The following CACNA1S variants were observed in gnomAD, a reference collection of about 807,000 sequenced individuals.
CACNA1S encodes the protein voltage-dependent L-type calcium channel subunit alpha-1S.
Under a neutral mutation model 207.4 loss-of-function variants are expected in CACNA1S, and 126 were observed. That is an observed-to-expected ratio of 0.61 (90% confidence interval 0.53 to 0.70). The LOEUF is 0.70. Ranked by LOEUF, CACNA1S falls within the 30% of genes least tolerant of loss-of-function variation. CACNA1S has a pLI of 0.00. For missense variants in CACNA1S, 2,349 were observed against 2,422.8 expected, an observed-to-expected ratio of 0.97 and a Z score of 0.64; for synonymous variants, 960 against 932.7, an observed-to-expected ratio of 1.03 and a Z score of -0.53.
At chr1:201,049,335 C>G (rs1320405906) in intron 34 of CACNA1S, among the ~76,000 whole-genome samples, 1 of 152,248 alleles carries the variant, frequency 6.6e-6, no homozygotes, top group African/African-American at 2.4e-5. Flanking sequence ...TTGGCGCATT[C>G]CCTCAGATAT....
In CACNA1S at chr1:201,074,411, C is replaced by G; in HGVS notation, c.2063+95G>C. 1.3e-5 allele frequency: 10 copies of G among 782,544 alleles called. No individual in the cohort carries two copies. The South Asian group carries it at 1.4e-4, about 11-fold the overall frequency. 48.5% of individuals were successfully genotyped at this position (782,544 alleles called of 1,614,324 possible). A position where few individuals can be genotyped will look rare whatever the true frequency, so the allele number is the denominator to read the frequency against. ...GGTGGGTGTCACCATGTCAGGGACC[C>G]TGATCATTGGGTTACAGGGAGGCCC... On this transcript the variant is annotated intron_variant, in intron 14 of 43. Transcript: ENST00000362061.
intron 2 of CACNA1S, 76 bp from the exon 3 acceptor site, chr1:201,094,097 C>A (rs911769043): frequency 6.3e-7 from 1 of 1,589,712 alleles, no homozygotes; most frequent in East Asian, 2.2e-5. Flanking sequence ...TGCAGCCGTG[C>A]TGGGTTCCCT....
chr1:201,110,039 C>T, intron 2 of CACNA1S, 125 bp downstream of exon 2: 2 of 868,994 alleles, frequency 2.3e-6, no homozygotes, highest in South Asian at 2.7e-5. Context: ...GCTGGGGATG[C>T]AGGGCCTGCA....
intron 32 of CACNA1S, 24 bp from the exon 33 acceptor site, chr1:201,051,167 T>A: frequency 1.2e-6 from 2 of 1,613,964 alleles, no homozygotes; most frequent in East Asian, 4.5e-5. Flanking sequence ...GAGGCTCCTG[T>A]CACCTATCTG....
intron 22 of CACNA1S, 102 bp from the exon 23 acceptor site, chr1:201,062,616 C>A (rs936710619): frequency 5.8e-6 from 6 of 1,031,120 alleles, no homozygotes; most frequent in Non-Finnish European, 8.9e-6. Context: ...GGAGGGAAGG[C>A]AGGCATCTGA....
At position 201,069,522 on chromosome 1, in the gene CACNA1S, C is replaced by G; in HGVS notation, c.2440G>C (p.Ala814Pro). The G allele has an allele frequency of 3.1e-6, 5 of 1,592,986 alleles. No individual in the cohort carries two copies. The highest frequency in any genetic ancestry group is 3.4e-6 in the Non-Finnish European group (4 of 1,171,236). ...ATGGGGTCTTCCGCAGCCAGTGCAG[C>G]GCTGCTGAGCAGGATGAAGAGCAGG... ...FILLFILLSSAALAAEDPIRA... is the reference protein window; with the variant it reads ...FILLFILLSSPALAAEDPIRA... The change falls in exon 18 of 44, where the codon GCT becomes CCT. Residue 814 changes from alanine (A) to proline (P), a missense_variant. Coordinates refer to ENST00000362061, the MANE Select transcript of CACNA1S (RefSeq NM_000069.3).
chr1:201,066,018 C>T lies in CACNA1S; in HGVS notation c.2746-73G>A. 8.6e-7 allele frequency: 1 copy of T among 1,162,582 alleles called. No individual in the cohort carries two copies. The allele number at this position is 1,162,582 out of a possible 1,614,324, so 72.0% of individuals were successfully genotyped here. ...CCTGCTAGCCCAGTTGAGGAAACCC[C>T]AGGAGTGCAAGACTTGCTGCCTCCT... On this transcript the variant is annotated intron_variant, in intron 21 of 43. Coordinates refer to ENST00000362061, the MANE Select transcript of CACNA1S (RefSeq NM_000069.3). The surrounding 1 kb of genome is among the most constrained non-coding windows in gnomAD (Gnocchi z 4.3).
At chr1:201,044,060 G>A (rs969101416) in intron 39 of CACNA1S, among the ~76,000 whole-genome samples, 16 of 152,166 alleles carry the variant, frequency 1.1e-4, no homozygotes, top group East Asian at 1.9e-4. Flanking sequence ...GAGATGGGTC[G>A]TTGCCTAGGG....
rs533604748 is a variant in CACNA1S at position 201,062,304 on chromosome 1, G to C, written c.2906+158C>G. On this transcript the variant is annotated intron_variant, in intron 23 of 43. Transcript: ENST00000362061. ...AGCTTCCCCAGTTTCCAGCTTGAAG[G>C]GCCGTCATCCACCAACACACAGTCC... is the stretch of plus-strand genomic sequence containing the variant. Among the ~76,000 whole-genome samples, 296 of 152,228 alleles carry C rather than the reference G, an allele frequency of 1.9e-3. 1 individual carries two copies. The highest frequency in any genetic ancestry group is 6.9e-3 in the African/African-American group (286 of 41,544).
chr1:201,106,173 C>A (rs1309604716), intron 2 of CACNA1S, among the ~76,000 whole-genome samples: 2 of 151,902 alleles, frequency 1.3e-5, no homozygotes, highest in Non-Finnish European at 2.9e-5. Context: ...TCCATCCCCA[C>A]CTCCAGTCCT....
chr1:201,082,480 G>A (rs1240690197), intron 10 of CACNA1S, among the ~76,000 whole-genome samples: 2 of 152,148 alleles, frequency 1.3e-5, no homozygotes, highest in African/African-American at 4.8e-5. Flanking sequence ...TGCACACACT[G>A]TTCCTTCTCC....
At chr1:201,101,167 G>T (rs951520997) in intron 2 of CACNA1S, among the ~76,000 whole-genome samples, 4 of 152,154 alleles carry the variant, frequency 2.6e-5, no homozygotes, top group Admixed American at 6.5e-5. Context: ...TGAGAAATGG[G>T]CTATAATAAG....
At position 201,070,555 on chromosome 1, in the gene CACNA1S, G is replaced by A. The variant is rs1283239493; in HGVS notation, c.2228-151C>T. 7 of 968,294 alleles carry A rather than the reference G, an allele frequency of 7.2e-6. No homozygotes were observed. In the Admixed American group the frequency reaches 1.0e-4, roughly 14 times the overall value. The allele number at this position is 968,294 out of a possible 1,614,324, so 60.0% of individuals were successfully genotyped here. A position where few individuals can be genotyped will look rare whatever the true frequency, so the allele number is the denominator to read the frequency against. On this transcript the variant is annotated intron_variant, in intron 16 of 43. Coordinates refer to ENST00000362061, the MANE Select transcript of CACNA1S (RefSeq NM_000069.3). ...GACCCTAGGGCTTTGGCAGAGTCCA[G>A]CCCGGGCATCTCCTTCTCTTCACAG... is the stretch of plus-strand genomic sequence containing the variant.
intron 10 of CACNA1S, among the ~76,000 whole-genome samples, chr1:201,080,448 T>C (rs1303779649): frequency 3.3e-5 from 5 of 152,156 alleles, no homozygotes; most frequent in African/African-American, 4.8e-5. Context: ...TTGACAACGA[T>C]TGGCACATTC....
chr1:201,058,659 A>G (rs560817431), intron 27 of CACNA1S, among the ~76,000 whole-genome samples, 168 bp from the exon 28 acceptor site: 233 of 151,452 alleles, frequency 1.5e-3, no homozygotes, highest in Non-Finnish European at 2.5e-3. Context: ...GGCTCCCCCA[A>G]CTCCAACACT....
At chr1:201,098,016 C>G (rs778504773) in intron 2 of CACNA1S, among the ~76,000 whole-genome samples, 7 of 152,160 alleles carry the variant, frequency 4.6e-5, no homozygotes, top group Non-Finnish European at 8.8e-5. Context: ...CTGGCTCTCA[C>G]CCCCCAACTG....
chr1:201,040,660 C>T lies in CACNA1S; in HGVS notation c.5188G>A (p.Ala1730Thr). 6.2e-7 allele frequency: 1 copy of T among 1,614,068 alleles called. No individual in the cohort carries two copies. Among genetic ancestry groups the T allele is most frequent in the South Asian group, 1.1e-5 (1 of 91,084 alleles). Residue 1730 changes from alanine (A) to threonine (T), a missense_variant, in exon 42 of 44, where the codon GCA becomes ACA. Coordinates refer to ENST00000362061, the MANE Select transcript of CACNA1S (RefSeq NM_000069.3). ...GGAGGTGCCTGGCCTCTGGGCATTG[C>T]CCTCTGGGTCAGCAGTCCCTTCAGC... Reference protein sequence around the residue: ...EMLKGLLTQRAMPRGQAPPAP... With the variant: ...EMLKGLLTQRTMPRGQAPPAP...
chr1:201,078,952 C>T (rs544352729), intron 10 of CACNA1S, among the ~76,000 whole-genome samples: 3 of 151,950 alleles, frequency 2.0e-5, no homozygotes, highest in Non-Finnish European at 4.4e-5. Flanking sequence ...AAAACCCCCT[C>T]TCTACTAAAA....
chr1:201,103,346 G>A (rs1378313002), intron 2 of CACNA1S, among the ~76,000 whole-genome samples: 2 of 152,190 alleles, frequency 1.3e-5, no homozygotes, highest in South Asian at 2.1e-4. Flanking sequence ...GTCTAGATTG[G>A]AGGCAGGTTG....
Sources: gnomAD v4.1 joint callset for allele counts (sites outside exome capture counted in the v4.1 genomes callset) on GRCh38, gnomAD v4.1.1 for gene constraint, Gnocchi (gnomAD v3.1) non-coding constraint, MANE v1.5 for transcripts, NCBI Gene and HGNC (gene_info 2026-07-23, HGNC 2026-07-21) for gene names.